Variants in TSHZ3 observed in about 807,000 individuals in gnomAD.
TSHZ3 encodes teashirt zinc finger homeobox 3.
Under a neutral mutation model 64.5 loss-of-function variants are expected in TSHZ3, and 10 were observed. That is an observed-to-expected ratio of 0.16 (90% CI 0.10 to 0.26). The LOEUF (loss-of-function observed/expected upper bound fraction) is 0.26. Ranked by LOEUF, TSHZ3 falls within the 10% of genes least tolerant of loss-of-function variation. The pLI is 1.00. For missense variants in TSHZ3, 1,242 were observed against 1,421.7 expected (o/e 0.87, Z 2.03); for synonymous variants, 608 against 593.1 (o/e 1.03, Z -0.36).
At chr19:31,174,819 A>C (rs1974585554) in intron 5 of TSHZ3, among the ~76,000 whole-genome samples, 1 of 152,226 alleles carries the variant, frequency 6.6e-6, no homozygotes, top group African/African-American at 2.4e-5. Context: ...GGGGCTGAAC[A>C]GGAGTGGGAC....
Position 31,278,700 on chromosome 19 carries a change from G to A in TSHZ3, c.1093C>T (p.Arg365Trp), listed in dbSNP as rs1213840232. The A allele has an allele frequency of 3.1e-6, 5 of 1,614,122 alleles. No individual in the cohort carries two copies. Among genetic ancestry groups the A allele is most frequent in the East Asian group, 2.2e-5 (1 of 44,852 alleles). ...NSNPYITPNN[R>W]YGHQNGASYA... ...CTGGCCCCATTCTGGTGGCCGTACCGATTATTTGGCGTGATGTAAGGGTTG... is the reference window on the plus strand; with the variant it reads ...CTGGCCCCATTCTGGTGGCCGTACCAATTATTTGGCGTGATGTAAGGGTTG... Residue 365 changes from arginine (R) to tryptophan (W), a missense_variant, in exon 2 of 2, where the codon CGG becomes TGG. This residue lies in a region of TSHZ3 where 555 missense variants were observed against 704.0 expected (regional missense o/e 0.79). Coordinates refer to ENST00000240587, the MANE Select transcript of TSHZ3 (RefSeq NM_020856.4). This position sits in a 1 kb window ranked among gnomAD's most constrained non-coding sequence, Gnocchi z 4.7.
At chr19:31,285,698 T>G (rs569799020) in intron 1 of TSHZ3, among the ~76,000 whole-genome samples, 1 of 139,954 alleles carries the variant, frequency 7.1e-6, no homozygotes, top group East Asian at 2.3e-4. Flanking sequence ...GCACGAGAAT[T>G]GCTTGAACCT....
chr19:31,269,935 C>G (rs1496626), intron 1 of TSHZ3, among the ~76,000 whole-genome samples: 1 of 152,010 alleles, frequency 6.6e-6, no homozygotes, highest in African/African-American at 2.4e-5. Flanking sequence ...ACGCCAGCCA[C>G]GGAGCCAAGT....
intron 1 of TSHZ3, among the ~76,000 whole-genome samples, chr19:31,280,822 A>G (rs1976348920): frequency 6.6e-6 from 1 of 152,252 alleles, no homozygotes; most frequent in Non-Finnish European, 1.5e-5. Context: ...CAGAGCCCAG[A>G]GAATACTTGC....
rs1240103302 is a variant in TSHZ3 at position 31,331,729 on chromosome 19, T to C, written c.40+17451A>G. On this transcript the variant is annotated intron_variant, in intron 1 of 1. Coordinates refer to ENST00000240587, the MANE Select transcript of TSHZ3 (RefSeq NM_020856.4). Reference sequence around the variant, plus strand: ...CTTATGTTCACCACCTGCCACCTACTGTGGTGTCAGAGCTGTCTGGTCCAG... The same window carrying C: ...CTTATGTTCACCACCTGCCACCTACCGTGGTGTCAGAGCTGTCTGGTCCAG... 3.9e-5 allele frequency among the ~76,000 whole-genome samples: 6 copies of C among 152,332 alleles called. No homozygotes were observed. The East Asian group carries it at 1.2e-3, about 29-fold the overall frequency.
intron 1 of TSHZ3, among the ~76,000 whole-genome samples, chr19:31,283,278 G>A (rs1200081626): frequency 6.6e-6 from 1 of 152,060 alleles, no homozygotes; most frequent in East Asian, 1.9e-4. Context: ...GGGTGCAAGT[G>A]AGCCATGACC....
intron 1 of TSHZ3, among the ~76,000 whole-genome samples, chr19:31,302,249 G>A (rs1444855094): frequency 6.6e-6 from 1 of 152,118 alleles, no homozygotes; most frequent in Non-Finnish European, 1.5e-5. Flanking sequence ...TCAGAGGCCC[G>A]GAGCTGACCC....
chr19:31,193,624 T>C (rs1974944676), intron 5 of TSHZ3, among the ~76,000 whole-genome samples: 1 of 152,182 alleles, frequency 6.6e-6, no homozygotes, highest in African/African-American at 2.4e-5. Context: ...ACTCTTCTCA[T>C]AGGTAACATT....
chr19:31,249,418 G>A (rs1281651776), intron 1 of TSHZ3, among the ~76,000 whole-genome samples: 1 of 152,112 alleles, frequency 6.6e-6, no homozygotes, highest in Non-Finnish European at 1.5e-5. Context: ...TAGAGGGCAG[G>A]CCAGCAGGTT....
At chr19:31,189,872 T>A (rs1013143382) in intron 5 of TSHZ3, among the ~76,000 whole-genome samples, 1 of 152,196 alleles carries the variant, frequency 6.6e-6, no homozygotes, top group African/African-American at 2.4e-5. Context: ...TTCTCCTTTG[T>A]GTTTGGAAAC....
At chr19:31,262,922 G>A (rs976300911) in intron 1 of TSHZ3, among the ~76,000 whole-genome samples, 26 of 152,244 alleles carry the variant, frequency 1.7e-4, no homozygotes, top group African/African-American at 6.3e-4. Context: ...GGACGCAACA[G>A]TTGGGCTGCG....
intron 1 of TSHZ3, among the ~76,000 whole-genome samples, chr19:31,291,389 A>G (rs984287507): frequency 7.9e-5 from 12 of 152,202 alleles, no homozygotes; most frequent in African/African-American, 2.2e-4. Flanking sequence ...CCTCCCCAGA[A>G]CAATCTCCCT....
chr19:31,350,559 C>T (rs2021690143), upstream of TSHZ3, among the ~76,000 whole-genome samples: 1 of 151,400 alleles, frequency 6.6e-6, no homozygotes, highest in African/African-American at 2.4e-5. Context: ...GGCCGCCGCG[C>T]CGTGTCCCGC....
At chr19:31,257,069 G>A (rs1412470006) in intron 1 of TSHZ3, among the ~76,000 whole-genome samples, 1 of 152,146 alleles carries the variant, frequency 6.6e-6, no homozygotes, top group Non-Finnish European at 1.5e-5. Context: ...GTGCTCCAGG[G>A]CGGGTGCTCC....
intron 1 of TSHZ3, among the ~76,000 whole-genome samples, chr19:31,305,211 C>A (rs1283899299): frequency 1.3e-5 from 2 of 151,838 alleles, no homozygotes; most frequent in Admixed American, 1.3e-4. Flanking sequence ...CACCACAAAT[C>A]TGACTATTAG....
In TSHZ3 at chr19:31,338,450, A is replaced by G. The variant is rs141198238; in HGVS notation, c.40+10730T>C. ...CGCAAAAGATTATTTTTTATCTGAA[A>G]TATTCCTGAGACGTGGAAGTCTTTA... On this transcript the variant is annotated intron_variant, in intron 1 of 1. Transcript: ENST00000240587. 3.8e-3 allele frequency among the ~76,000 whole-genome samples: 572 copies of G among 152,298 alleles called. 2 individuals are homozygous for G. Among genetic ancestry groups the G allele is most frequent in the African/African-American group, 0.013 (546 of 41,566 alleles).
rs911981683 is a variant in TSHZ3 at position 31,277,423 on chromosome 19, T to C, written c.2370A>G (p.Ile790Met). The C allele has an allele frequency of 8.1e-6, 13 of 1,613,934 alleles. No individual in the cohort carries two copies. The highest frequency in any genetic ancestry group is 1.1e-5 in the Non-Finnish European group (13 of 1,179,964). ...YFYHVNNDQP[I>M]DLTKGKSDKG... Reference sequence around the variant, plus strand: ...TGTCACTCTTCCCTTTTGTCAAGTCTATGGGCTGGTCGTTGTTGACGTGGT... The same window carrying C: ...TGTCACTCTTCCCTTTTGTCAAGTCCATGGGCTGGTCGTTGTTGACGTGGT... The change falls in exon 2 of 2, where the codon ATA (isoleucine) becomes ATG (methionine). Residue 790 changes from isoleucine to methionine, a missense_variant. By Grantham distance (10) the Ile-to-Met change is conservative (BLOSUM62 1). This residue lies in a region of TSHZ3 where 550 missense variants were observed against 545.1 expected (regional missense o/e 1.01). Transcript: ENST00000240587. This position sits in a 1 kb window ranked among gnomAD's most constrained non-coding sequence, Gnocchi z 4.5.
In TSHZ3 at chr19:31,278,979, G is replaced by C; in HGVS notation, c.814C>G (p.Gln272Glu). 6.2e-7 allele frequency: 1 copy of C among 1,614,114 alleles called. No homozygotes were observed. The highest frequency in any genetic ancestry group is 1.3e-5 in the African/African-American group (1 of 75,038). The change falls in exon 2 of 2, where the codon CAG becomes GAG. Residue 272 changes from glutamine (Q) to glutamate (E), a missense_variant. Transcript: ENST00000240587. The surrounding 1 kb of genome is among the most constrained non-coding windows in gnomAD (Gnocchi z 4.7). Reference sequence around the variant, plus strand: ...CAGTACATGCACTTCAGCACCTTCTGGGCGTCTTCCTTCCCTTCCATTTCC... The same window carrying C: ...CAGTACATGCACTTCAGCACCTTCTCGGCGTCTTCCTTCCCTTCCATTTCC... Reference protein sequence around the residue: ...LLEMEGKEDAQKVLKCMYCGH... With the variant: ...LLEMEGKEDAEKVLKCMYCGH...
At chr19:31,212,229 G>T (rs1177560603) in intron 4 of TSHZ3, among the ~76,000 whole-genome samples, 1 of 152,124 alleles carries the variant, frequency 6.6e-6, no homozygotes, top group Admixed American at 6.5e-5. Flanking sequence ...GCCAAGGCAG[G>T]AGAATTACTT....
Sources: allele counts gnomAD v4.1 joint callset (sites outside exome capture counted in the v4.1 genomes callset), GRCh38; gene constraint gnomAD v4.1.1; regional missense constraint gnomAD v4.1.1; non-coding constraint Gnocchi (gnomAD v3.1); transcripts MANE v1.5; gene names NCBI Gene and HGNC (gene_info 2026-07-23, HGNC 2026-07-21).